Variants in RBMS3 observed in about 807,000 individuals in gnomAD.
The protein encoded by RBMS3 is RNA-binding motif, single-stranded-interacting protein 3.
Under a neutral mutation model 66.8 loss-of-function variants are expected in RBMS3, and 27 were observed. That is an observed-to-expected ratio of 0.40 (90% confidence interval 0.30 to 0.56). RBMS3 has a LOEUF of 0.56. RBMS3 is among the 20% of genes least tolerant of loss of function. The pLI is 0.40. For synonymous variants in RBMS3, 188 were observed against 183.0 expected, an observed-to-expected ratio of 1.03 and a Z score of -0.22; for missense variants, 513 against 549.5, an observed-to-expected ratio of 0.93 and a Z score of 0.66.
intron 6 of RBMS3, among the ~76,000 whole-genome samples, chr3:29,801,880 G>C (rs2057402432): frequency 6.6e-6 from 1 of 151,894 alleles, no homozygotes; most frequent in African/African-American, 2.4e-5. Flanking sequence ...CATAAAATCA[G>C]GCCATTCATA....
chr3:29,369,487 A>AAC (rs59274434), intron 1 of RBMS3, among the ~76,000 whole-genome samples: 6,747 of 135,176 alleles, frequency 0.05, 191 homozygotes, highest in African/African-American at 0.063. Context: ...ATCACTCCTT[A>AAC]ACACACACAC....
chr3:29,381,692 GC>G (rs1049383269), intron 1 of RBMS3, among the ~76,000 whole-genome samples: 10 of 152,124 alleles, frequency 6.6e-5, no homozygotes, highest in African/African-American at 2.2e-4. Flanking sequence ...TATCATATCT[GC>G]CCCTGCCCTA....
chr3:29,894,952 A>G (rs1426430503), intron 8 of RBMS3, among the ~76,000 whole-genome samples: 1 of 151,578 alleles, frequency 6.6e-6, no homozygotes, highest in Admixed American at 6.6e-5. Flanking sequence ...AGATCAGGAC[A>G]GAAGAAAGTC....
chr3:29,284,647 GTTTC>G (rs2032123684), intron 1 of RBMS3, among the ~76,000 whole-genome samples: 1 of 151,770 alleles, frequency 6.6e-6, no homozygotes, highest in African/African-American at 2.4e-5. Flanking sequence ...TCTCAACTTT[GTTTC>G]TTTAAAAGTA....
chr3:29,327,512 TTA>T (rs2035411340), intron 1 of RBMS3, among the ~76,000 whole-genome samples: 1 of 152,238 alleles, frequency 6.6e-6, no homozygotes, highest in South Asian at 2.1e-4. Context: ...CCTCCTTCTG[TTA>T]CTTAATATTA....
At chr3:29,459,530 A>G (rs2042302642) in intron 2 of RBMS3, among the ~76,000 whole-genome samples, 1 of 152,182 alleles carries the variant, frequency 6.6e-6, no homozygotes, top group Non-Finnish European at 1.5e-5. Context: ...AGGTATGGGT[A>G]TTTATCATCA....
intron 6 of RBMS3, among the ~76,000 whole-genome samples, chr3:29,849,965 T>C (rs572835917): frequency 5.9e-5 from 9 of 152,350 alleles, no homozygotes; most frequent in African/African-American, 2.2e-4. Flanking sequence ...TTTCTTTCTT[T>C]CTTTACAAAG....
At chr3:29,471,997 A>G (rs1165688336) in intron 2 of RBMS3, among the ~76,000 whole-genome samples, 2 of 152,086 alleles carry the variant, frequency 1.3e-5, no homozygotes, top group Non-Finnish European at 2.9e-5. Flanking sequence ...TCCTCACTAG[A>G]AAACATTGTT....
chr3:29,990,292 G>T (rs1559868734), intron 13 of RBMS3, among the ~76,000 whole-genome samples: 1 of 151,954 alleles, frequency 6.6e-6, no homozygotes, highest in Non-Finnish European at 1.5e-5. Context: ...TGACATCACT[G>T]CAGGTATCCA....
chr3:29,899,828 T>A, intron 10 of RBMS3, 73 bp downstream of exon 10: 1 of 1,455,280 alleles, frequency 6.9e-7, no homozygotes, highest in Non-Finnish European at 9.5e-7. Context: ...CATAGAAGCT[T>A]TGGGGTAAAG....
At chr3:29,737,833 T>TGA (rs999736519) in intron 4 of RBMS3, among the ~76,000 whole-genome samples, 3 of 8,112 alleles carry the variant, frequency 3.7e-4, no homozygotes, top group Admixed American at 2.2e-3. Flanking sequence ...GATAGTGGAG[T>TGA]GTGTGTGTGT....
In RBMS3 at chr3:29,927,559, G is replaced by A. The variant is rs376520277; in HGVS notation, c.940-8527G>A. Among the ~76,000 whole-genome samples the A allele has an allele frequency of 1.4e-4, 22 of 152,286 alleles. No homozygotes were observed. The East Asian group carries it at 2.1e-3, about 15-fold the overall frequency. The stretch of plus-strand genomic sequence containing the variant: ...GAGGAGCAAGTGACCGGTAGCCTGG[G>A]TCAGTCATAGGAGTTATTCCCCAGA... On this transcript the variant is annotated intron_variant, in intron 10 of 14. Coordinates refer to ENST00000383767, the MANE Select transcript of RBMS3 (RefSeq NM_001003793.3).
At chr3:29,364,277 A>G (rs1022904560) in intron 1 of RBMS3, among the ~76,000 whole-genome samples, 2 of 152,226 alleles carry the variant, frequency 1.3e-5, no homozygotes, top group African/African-American at 4.8e-5. Flanking sequence ...AACATTTACA[A>G]TTGCATAAAA....
intron 3 of RBMS3, among the ~76,000 whole-genome samples, chr3:29,501,286 A>G (rs866424546): frequency 6.3e-4 from 96 of 152,318 alleles, no homozygotes; most frequent in African/African-American, 2.2e-3. Context: ...AACTAAGTAC[A>G]TTCCTTTATG....
intron 4 of RBMS3, among the ~76,000 whole-genome samples, chr3:29,693,441 A>AAT (rs1205403127): frequency 6.6e-6 from 1 of 152,172 alleles, no homozygotes; most frequent in Non-Finnish European, 1.5e-5. Context: ...GTCATGGGCA[A>AAT]ATATATATCT....
At chr3:29,805,613 T>C (rs1394664410) in intron 6 of RBMS3, among the ~76,000 whole-genome samples, 3 of 151,958 alleles carry the variant, frequency 2.0e-5, no homozygotes, top group Admixed American at 1.3e-4. Flanking sequence ...CATATTTGTG[T>C]CTTAGTTTTT....
intron 12 of RBMS3, among the ~76,000 whole-genome samples, chr3:29,959,474 C>T (rs1394420429): frequency 1.3e-5 from 2 of 152,086 alleles, no homozygotes; most frequent in Non-Finnish European, 2.9e-5. Flanking sequence ...TAAAAAGCCT[C>T]CAGGTGACTC....
At chr3:29,507,579 C>T (rs2044232127) in intron 3 of RBMS3, among the ~76,000 whole-genome samples, 1 of 152,050 alleles carries the variant, frequency 6.6e-6, no homozygotes, top group Non-Finnish European at 1.5e-5. Context: ...AATGTTTTTA[C>T]TTGATATGTG....
chr3:29,747,241 T>C (rs2054943214), intron 5 of RBMS3, among the ~76,000 whole-genome samples: 1 of 152,244 alleles, frequency 6.6e-6, no homozygotes, highest in African/African-American at 2.4e-5. Flanking sequence ...TCTATGGTTA[T>C]AAACATGGTT....
Sources: gnomAD v4.1 joint callset for allele counts (sites outside exome capture counted in the v4.1 genomes callset) on GRCh38, gnomAD v4.1.1 for gene constraint, MANE v1.5 for transcripts, NCBI Gene and HGNC (gene_info 2026-07-23, HGNC 2026-07-21) for gene names.